Variants in COP1 observed in about 807,000 individuals in gnomAD.
COP1 encodes COP1 E3 ubiquitin ligase.
Under a neutral mutation model 101.3 loss-of-function variants are expected in COP1, and 24 were observed. The ratio of observed to expected loss-of-function variants is 0.24; its 90% CI spans 0.17 to 0.33. COP1 has a LOEUF of 0.33. Among genes scored for constraint, COP1 ranks in the 10% least tolerant of loss-of-function variants. COP1 has a pLI of 1.00. For synonymous variants in COP1, 347 were observed against 341.9 expected (o/e 1.01, Z -0.17); for missense variants, 663 against 906.2 (o/e 0.73, Z 3.45).
At chr1:176,133,252 A>T (rs1440842311) in intron 8 of COP1, among the ~76,000 whole-genome samples, 2 of 151,042 alleles carry the variant, frequency 1.3e-5, no homozygotes, top group African/African-American at 4.9e-5. Context: ...AGGTACACAC[A>T]TACGTATATA....
chr1:175,944,940 T>G lies in COP1; in HGVS notation c.*213A>C, dbSNP rs1260700436. The G allele has an allele frequency of 1.9e-6, 1 of 526,326 alleles. No homozygotes were observed. The highest frequency in any genetic ancestry group is 3.3e-6 in the Non-Finnish European group (1 of 298,520). 32.6% of individuals were successfully genotyped at this position (526,326 alleles called of 1,614,324 possible). ...ACCAAGAGCAGCAATGTCCATGGAG[T>G]TACATTGATGGTGGAGAGTTGGCTG... On this transcript the variant is annotated 3_prime_UTR_variant, in exon 20 of 20. Transcript: ENST00000367669.
intron 15 of COP1, among the ~76,000 whole-genome samples, chr1:176,007,173 G>C (rs1324700622): frequency 6.6e-6 from 1 of 151,930 alleles, no homozygotes. Flanking sequence ...CGTAGTTCTC[G>C]AGCCTTGGTT....
At chr1:176,049,434 T>C (rs1245394153) in intron 11 of COP1, among the ~76,000 whole-genome samples, 4 of 152,104 alleles carry the variant, frequency 2.6e-5, no homozygotes, top group Non-Finnish European at 5.9e-5. Flanking sequence ...GTAGAGTATG[T>C]TTTTAAAAAT....
Position 176,145,799 on chromosome 1 carries a change from G to A in COP1, c.831+3207C>T, listed in dbSNP as rs542991494. On this transcript the variant is annotated intron_variant, in intron 6 of 19. Coordinates refer to ENST00000367669, the MANE Select transcript of COP1 (RefSeq NM_022457.7). The stretch of plus-strand genomic sequence containing the variant: ...AAACAGAGAGACCTATGGATACTCA[G>A]GCAGCAAAACATTAAAGAAAGGCAA... Among the ~76,000 whole-genome samples the A allele has an allele frequency of 1.1e-4, 17 of 152,198 alleles. 1 individual carries two copies. The highest frequency in any genetic ancestry group is 3.4e-4 in the African/African-American group (14 of 41,544).
At chr1:176,019,505 TAAC>T (rs1328558890) in intron 15 of COP1, among the ~76,000 whole-genome samples, 58 of 133,170 alleles carry the variant, frequency 4.4e-4, no homozygotes, top group Middle Eastern at 3.9e-3. Flanking sequence ...ATAATAATAA[TAAC>T]CATCATCATC....
intron 8 of COP1, among the ~76,000 whole-genome samples, chr1:176,119,111 C>G (rs150171064): frequency 2.0e-5 from 3 of 152,296 alleles, no homozygotes; most frequent in East Asian, 1.9e-4. Context: ...GTAACCATTA[C>G]TTGCCTTTCC....
chr1:176,167,799 C>A (rs1016567209), intron 3 of COP1, among the ~76,000 whole-genome samples: 9 of 152,138 alleles, frequency 5.9e-5, no homozygotes, highest in Admixed American at 1.3e-4. Flanking sequence ...TAACTTGACA[C>A]AAGTTACTCA....
chr1:176,063,358 C>T (rs1675330144), intron 11 of COP1, among the ~76,000 whole-genome samples: 1 of 152,136 alleles, frequency 6.6e-6, no homozygotes, highest in African/African-American at 2.4e-5. Context: ...CCGCGCCTGG[C>T]CCGAAAATGT....
At chr1:176,066,495 G>T (rs938507584) in intron 11 of COP1, among the ~76,000 whole-genome samples, 2 of 151,996 alleles carry the variant, frequency 1.3e-5, no homozygotes, top group African/African-American at 4.8e-5. Flanking sequence ...ATTGTAAAAA[G>T]CGTAAAAAAG....
At position 176,190,529 on chromosome 1, in the gene COP1, TAA is replaced by T. The variant is rs11284970; in HGVS notation, c.408-5839_408-5838del. On this transcript the variant is annotated intron_variant, in intron 1 of 19. Transcript: ENST00000367669. ...GATAATGTATGTCACTTGGGACATT[TAA>T]AAAAAAAAAAAACAGTACAGAACAG... Among the ~76,000 whole-genome samples, 590 of 145,576 alleles carry T rather than the reference TAA, an allele frequency of 4.1e-3. 1 individual carries two copies. Among genetic ancestry groups the T allele is most frequent in the African/African-American group, 6.2e-3 (245 of 39,636 alleles).
intron 11 of COP1, 43 bp from the exon 12 acceptor site, chr1:176,046,367 T>C (rs768967460): frequency 4.0e-5 from 63 of 1,577,008 alleles, no homozygotes; most frequent in African/African-American, 9.5e-5. Flanking sequence ...CAGAATTTGC[T>C]ATTTTCTATT....
At chr1:176,078,651 T>C (rs1678521674) in intron 11 of COP1, among the ~76,000 whole-genome samples, 1 of 149,000 alleles carries the variant, frequency 6.7e-6, no homozygotes, top group Non-Finnish European at 1.5e-5. Flanking sequence ...AAGTGGGACC[T>C]AATTAAATTA....
At chr1:176,081,037 T>C (rs1317842742) in intron 11 of COP1, 115 bp downstream of exon 11, 6 of 897,612 alleles carry the variant, frequency 6.7e-6, no homozygotes, top group South Asian at 1.8e-5. Context: ...GAACTAATAA[T>C]TGGCAGGCTA....
intron 1 of COP1, among the ~76,000 whole-genome samples, chr1:176,198,861 A>T (rs1699988259): frequency 6.6e-6 from 1 of 152,242 alleles, no homozygotes. Context: ...AAAATATGTT[A>T]CATAACAATG....
At chr1:176,012,969 G>A (rs1664951318) in intron 15 of COP1, among the ~76,000 whole-genome samples, 1 of 152,056 alleles carries the variant, frequency 6.6e-6, no homozygotes, top group Non-Finnish European at 1.5e-5. Flanking sequence ...CGGGGGAACT[G>A]GTTTCAAATC....
intron 1 of COP1, among the ~76,000 whole-genome samples, chr1:176,189,497 T>A (rs1182003892): frequency 6.6e-6 from 1 of 152,082 alleles, no homozygotes; most frequent in East Asian, 1.9e-4. Flanking sequence ...AACAAAAATA[T>A]CTTTCAAAAT....
At chr1:176,007,871 C>T (rs1228624913) in intron 15 of COP1, among the ~76,000 whole-genome samples, 11 of 152,232 alleles carry the variant, frequency 7.2e-5, no homozygotes, top group African/African-American at 2.7e-4. Context: ...GTGGGCTCCA[C>T]CCAGTTCCAG....
intron 14 of COP1, among the ~76,000 whole-genome samples, chr1:176,032,399 T>C (rs1006447337): frequency 6.6e-6 from 1 of 152,214 alleles, no homozygotes; most frequent in Admixed American, 6.5e-5. Context: ...CAACAGACCA[T>C]GTATTAGTAG....
intron 11 of COP1, among the ~76,000 whole-genome samples, chr1:176,076,243 TA>T (rs922872614): frequency 2.7e-5 from 4 of 150,934 alleles, no homozygotes; most frequent in African/African-American, 7.3e-5. Flanking sequence ...CTCAATAAAT[TA>T]AAAAAAAATC....
Sources: gnomAD v4.1 joint callset for allele counts (sites outside exome capture counted in the v4.1 genomes callset) on GRCh38, gnomAD v4.1.1 for gene constraint, MANE v1.5 for transcripts, NCBI Gene and HGNC (gene_info 2026-07-23, HGNC 2026-07-21) for gene names.